FILIP1: variants seen among roughly 807,000 people sequenced by gnomAD.
The protein encoded by FILIP1 is filamin A interacting protein 1, also known as filamin-A-interacting protein 1.
FILIP1 carries 61 observed loss-of-function variants against 102.1 expected under a neutral mutation model. The observed-to-expected ratio is 0.60, with a 90% CI of 0.49 to 0.74. The LOEUF (loss-of-function observed/expected upper bound fraction) is 0.74, where lower values mean the gene tolerates loss of function less well. Among genes scored for constraint, FILIP1 ranks in the 30% least tolerant of loss-of-function variants. The pLI, the probability that FILIP1 is intolerant of heterozygous loss-of-function variation, is 0.00. For missense variants in FILIP1, 1,314 were observed against 1,441.2 expected, an observed-to-expected ratio of 0.91 and a Z score of 1.43; for synonymous variants, 491 against 526.9, an observed-to-expected ratio of 0.93 and a Z score of 0.93.
At chr6:75,392,313 G>A (rs1442693373) in intron 2 of FILIP1, among the ~76,000 whole-genome samples, 1 of 151,956 alleles carries the variant, frequency 6.6e-6, no homozygotes, top group African/African-American at 2.4e-5. Flanking sequence ...CTCCATCCCA[G>A]ACCTCTTCCC....
intron 1 of FILIP1, among the ~76,000 whole-genome samples, chr6:75,445,358 T>C (rs1022090481): frequency 6.6e-6 from 1 of 152,096 alleles, no homozygotes; most frequent in Non-Finnish European, 1.5e-5. Flanking sequence ...TACTGAACTA[T>C]GTCCTACTGA....
intron 1 of FILIP1, among the ~76,000 whole-genome samples, chr6:75,459,139 A>C (rs949316123): frequency 6.6e-6 from 1 of 152,210 alleles, no homozygotes; most frequent in Non-Finnish European, 1.5e-5. Flanking sequence ...CTAATGACCT[A>C]AGAATCTAAT....
chr6:75,372,738 GAAAGAA>G (rs1775604855), intron 2 of FILIP1, among the ~76,000 whole-genome samples: 1 of 63,760 alleles, frequency 1.6e-5, no homozygotes, highest in African/African-American at 7.1e-5. Flanking sequence ...GAGAAAGAAA[GAAAGAA>G]AGAAAGAAAG....
At position 75,312,994 on chromosome 6, in the gene FILIP1, C is replaced by T. The variant is rs761571413; in HGVS notation, c.2838G>A (p.Gly946=). The change falls in exon 5 of 6, where the codon GGG becomes GGA. Residue 946 remains glycine (G), a synonymous_variant. Transcript: ENST00000237172. The stretch of plus-strand genomic sequence containing the variant: ...TAATGGTTATTCTTGGTTTCTGATT[C>T]CCTAAGGTAGGAATGACAGTGGTAC... The part of the protein sequence containing the change: ...FSSTTVIPTL[G]NQKPRITIIP... 6.2e-7 allele frequency: 1 copy of T among 1,613,936 alleles called. No individual in the cohort carries two copies. Among genetic ancestry groups the T allele is most frequent in the Non-Finnish European group, 8.5e-7 (1 of 1,180,018 alleles).
Position 75,414,796 on chromosome 6 carries a change from T to C in FILIP1, c.177A>G (p.Leu59=), listed in dbSNP as rs572152020. 8.7e-6 allele frequency: 14 copies of C among 1,613,988 alleles called. No individual in the cohort carries two copies. Among genetic ancestry groups the C allele is most frequent in the African/African-American group, 1.3e-5 (1 of 75,038 alleles). Reference sequence around the variant, plus strand: ...TTCGTTCACATTCTCCAGATGTTTTTAGGTGTCGTTTGACAGTTCCTGAGG... The same window carrying C: ...TTCGTTCACATTCTCCAGATGTTTTCAGGTGTCGTTTGACAGTTCCTGAGG... ...VMASGTVKRH[L]KTSGECERKT... The change falls in exon 2 of 6, where the codon CTA becomes CTG. Residue 59 remains leucine, a synonymous_variant. Transcript: ENST00000237172.
exon 7 of FILIP1, chr6:75,294,987 G>A (rs1229119033): frequency 6.8e-6 from 1 of 147,230 alleles, no homozygotes; most frequent in Non-Finnish European, 1.5e-5. Flanking sequence ...TTACAGGCAC[G>A]ACCCACCATG....
rs757225049 is a variant in FILIP1, at chr6:75,362,869, C to T, written c.325G>A (p.Glu109Lys). The T allele has an allele frequency of 2.5e-6, 4 of 1,614,066 alleles. No individual in the cohort carries two copies. The Admixed American group carries it at 6.7e-5, about 27-fold the overall frequency. ...HMLKTEKTKP[E>K]VLEAHYGSAE... is the part of the protein sequence containing the mutation. ...GACCCGTAATGAGCCTCCAGAACCTCAGGCTTGGTTTTCTCTGTCTTCAGC... is the reference window on the plus strand; with the variant it reads ...GACCCGTAATGAGCCTCCAGAACCTTAGGCTTGGTTTTCTCTGTCTTCAGC... Residue 109 changes from glutamate to lysine, a missense_variant, in exon 3 of 6, where the codon GAG (glutamate) becomes AAG (lysine). Glu to Lys is a moderately conservative substitution (Grantham distance 56, BLOSUM62 1). Around this residue, in one of 3 missense-constraint regions of FILIP1, gnomAD observed 494 missense variants for 511.2 expected, o/e 0.97. Coordinates refer to ENST00000237172, the MANE Select transcript of FILIP1 (RefSeq NM_015687.5).
rs146554359 is a variant in FILIP1, at chr6:75,409,117, A to C, written c.276+5580T>G. On this transcript the variant is annotated intron_variant, in intron 2 of 5. Coordinates refer to ENST00000237172, the MANE Select transcript of FILIP1 (RefSeq NM_015687.5). Reference sequence around the variant, plus strand: ...TTACAATGTGAGTCTACTTTAAATAAATTCTGGAGGCCAAGAATAAATGAA... The same window carrying C: ...TTACAATGTGAGTCTACTTTAAATACATTCTGGAGGCCAAGAATAAATGAA... Among the ~76,000 whole-genome samples the C allele has an allele frequency of 7.0e-4, 107 of 152,338 alleles. 1 individual carries two copies. Among genetic ancestry groups the C allele is most frequent in the African/African-American group, 2.4e-3 (101 of 41,588 alleles).
Position 75,313,678 on chromosome 6 carries a change from T to C in FILIP1, c.2154A>G (p.Arg718=), listed in dbSNP as rs200898378. The C allele has an allele frequency of 6.4e-7, 1 of 1,565,746 alleles. No homozygotes were observed. Among genetic ancestry groups the C allele is most frequent in the East Asian group, 2.2e-5 (1 of 44,688 alleles). The part of the protein sequence containing the change: ...HRFRLEEAKS[R]DLKAEVQALK... ...GAGCTTGTACTTCGGCTTTTAAGTC[T>C]CGACTTTTAGCTTCTTCCAACCGAA... The change falls in exon 5 of 6, where the codon CGA becomes CGG. Residue 718 remains arginine, a synonymous_variant. Transcript: ENST00000237172. This position sits in a 1 kb window ranked among gnomAD's most constrained non-coding sequence, Gnocchi z 4.2.
intron 2 of FILIP1, among the ~76,000 whole-genome samples, chr6:75,384,070 A>T (rs985843802): frequency 1.3e-5 from 2 of 152,136 alleles, no homozygotes; most frequent in Non-Finnish European, 2.9e-5. Context: ...TTTCATTTTC[A>T]ATAAATTAAT....
chr6:75,302,837 ATAT>A (rs1772877746), intron 6 of FILIP1, among the ~76,000 whole-genome samples: 1 of 151,834 alleles, frequency 6.6e-6, no homozygotes, highest in Admixed American at 6.6e-5. Context: ...ATATGATATG[ATAT>A]GATATGATAT....
intron 1 of FILIP1, among the ~76,000 whole-genome samples, chr6:75,451,681 A>T (rs1778636577): frequency 6.6e-6 from 1 of 152,020 alleles, no homozygotes. Flanking sequence ...AAATACAAAA[A>T]TTAGCCAGAT....
intron 1 of FILIP1, among the ~76,000 whole-genome samples, chr6:75,486,071 A>G (rs1311917186): frequency 6.6e-6 from 1 of 152,010 alleles, no homozygotes. Context: ...GGGGATAAGT[A>G]TTTCATAGAA....
intron 1 of FILIP1, among the ~76,000 whole-genome samples, chr6:75,427,151 A>G (rs572100869): frequency 1.3e-5 from 2 of 152,180 alleles, no homozygotes; most frequent in Non-Finnish European, 2.9e-5. Context: ...TGACTTATAC[A>G]TGAATGTAAT....
At chr6:75,353,073 G>A (rs1238627271) in intron 4 of FILIP1, among the ~76,000 whole-genome samples, 1 of 146,396 alleles carries the variant, frequency 6.8e-6, no homozygotes, top group Non-Finnish European at 1.5e-5. Context: ...AGGGGAGGGG[G>A]GAGGGATAGT....
At chr6:75,354,590 A>AAC (rs1562493513) in intron 3 of FILIP1, among the ~76,000 whole-genome samples, 3 of 142,704 alleles carry the variant, frequency 2.1e-5, no homozygotes, top group Non-Finnish European at 1.5e-5. Flanking sequence ...AAAAAAAAAA[A>AAC]CCTTTTAACC....
chr6:75,464,475 GAA>G (rs1779110571), intron 1 of FILIP1, among the ~76,000 whole-genome samples: 1 of 152,168 alleles, frequency 6.6e-6, no homozygotes, highest in South Asian at 2.1e-4. Flanking sequence ...TTTTAAAACT[GAA>G]TTTAATGCCT....
intron 6 of FILIP1, among the ~76,000 whole-genome samples, chr6:75,297,581 A>G (rs1445840610): frequency 6.6e-6 from 1 of 152,132 alleles, no homozygotes; most frequent in Non-Finnish European, 1.5e-5. Context: ...CGTTTTTTTC[A>G]TTGAAAAAAT....
exon 7 of FILIP1, chr6:75,293,651 C>T (rs1772595927): frequency 6.6e-6 from 1 of 152,112 alleles, no homozygotes; most frequent in East Asian, 1.9e-4. Flanking sequence ...TCCAAATATA[C>T]ATACATTTCT....
Sources: allele counts gnomAD v4.1 joint callset (sites outside exome capture counted in the v4.1 genomes callset), GRCh38; gene constraint gnomAD v4.1.1; regional missense constraint gnomAD v4.1.1; non-coding constraint Gnocchi (gnomAD v3.1); transcripts MANE v1.5; gene names NCBI Gene and HGNC (gene_info 2026-07-23, HGNC 2026-07-21).